Variants in LDLRAD4 observed in about 807,000 individuals in gnomAD.
LDLRAD4 encodes the protein low density lipoprotein receptor class A domain containing 4, also known as low-density lipoprotein receptor class A domain-containing protein 4.
LDLRAD4 carries 5 observed loss-of-function variants against 17.0 expected under a neutral mutation model. The observed-to-expected ratio is 0.29, with a 90% CI of 0.15 to 0.62. The LOEUF (loss-of-function observed/expected upper bound fraction) is 0.62. LDLRAD4 is among the 20% of genes least tolerant of loss of function. LDLRAD4 has a pLI of 0.84. For missense variants in LDLRAD4, 340 were observed against 424.7 expected, an observed-to-expected ratio of 0.80 and a Z score of 1.75; for synonymous variants, 168 against 171.8, an observed-to-expected ratio of 0.98 and a Z score of 0.17.
chr18:13,394,551 A>G (rs1024848323), intron 2 of LDLRAD4, among the ~76,000 whole-genome samples: 1 of 152,232 alleles, frequency 6.6e-6, no homozygotes, highest in Non-Finnish European at 1.5e-5. Flanking sequence ...TTAATATTTA[A>G]TGTGACAGAT....
intron 1 of LDLRAD4, among the ~76,000 whole-genome samples, chr18:13,289,694 G>T (rs1257093855): frequency 6.6e-6 from 1 of 152,210 alleles, no homozygotes; most frequent in Non-Finnish European, 1.5e-5. Flanking sequence ...CACAGACCCA[G>T]CTGTGTCCAG....
intron 4 of LDLRAD4, among the ~76,000 whole-genome samples, chr18:13,640,264 G>T (rs546267401): frequency 1.8e-4 from 26 of 147,262 alleles, no homozygotes; most frequent in African/African-American, 6.1e-4. Context: ...CTGCACTCCA[G>T]CCTGGGCAAC....
intron 5 of LDLRAD4, chr18:13,644,839 C>G (rs545277541): frequency 2.0e-5 from 8 of 409,032 alleles, no homozygotes; most frequent in East Asian, 4.4e-5. Flanking sequence ...ACACGTAGCA[C>G]GCACAGAAAC....
At chr18:13,317,669 C>T (rs971833266) in intron 1 of LDLRAD4, among the ~76,000 whole-genome samples, 3 of 152,098 alleles carry the variant, frequency 2.0e-5, no homozygotes, top group African/African-American at 7.2e-5. Context: ...AAAGAAAGCA[C>T]GTCACAAGAC....
chr18:13,508,781 T>A (rs969248297), intron 3 of LDLRAD4, among the ~76,000 whole-genome samples: 16 of 152,210 alleles, frequency 1.1e-4, no homozygotes, highest in Admixed American at 1.0e-3. Context: ...GAGAGGTTAA[T>A]GTTATTTTCA....
intron 3 of LDLRAD4, among the ~76,000 whole-genome samples, chr18:13,494,915 G>C (rs2093435751): frequency 6.6e-6 from 1 of 151,206 alleles, no homozygotes; most frequent in Non-Finnish European, 1.5e-5. Context: ...ACACTAGTGA[G>C]AGGGAACCGA....
Position 13,580,895 on chromosome 18 carries a change from C to T in LDLRAD4, c.182-40222C>T, listed in dbSNP as rs2094847010. 2.6e-5 allele frequency among the ~76,000 whole-genome samples: 4 copies of T among 152,214 alleles called. No homozygotes were observed. The South Asian group carries it at 6.2e-4, about 24-fold the overall frequency. ...GCCCTTTTAAAAATAACCTCTTCAG[C>T]GTCTGGTTTTGCAATTGAATAATTG... On this transcript the variant is annotated intron_variant, in intron 3 of 5. Coordinates refer to ENST00000359446, the Ensembl canonical transcript of LDLRAD4.
rs557149101 is a variant in LDLRAD4, at chr18:13,580,058, A to G, written c.182-41059A>G. ...GCATTATTAACGTGATGCTTTTCTC[A>G]TGGTCTGTGCTCATCAATTTCTCAT... is the stretch of plus-strand genomic sequence containing the variant. On this transcript the variant is annotated intron_variant, in intron 3 of 5. Transcript: ENST00000359446. 1.1e-4 allele frequency among the ~76,000 whole-genome samples: 17 copies of G among 152,262 alleles called. No homozygotes were observed. The South Asian group carries it at 2.7e-3, about 24-fold the overall frequency.
Position 13,361,467 on chromosome 18 carries a change from T to C in LDLRAD4, c.-382-25874T>C, listed in dbSNP as rs554061775. ...GAGTACTTCTTGTTGCACCTCGCTT[T>C]GTTTGGTGGTTCCAGGCCCTCAGTA... On this transcript the variant is annotated intron_variant, in intron 1 of 5. Coordinates refer to ENST00000359446, the Ensembl canonical transcript of LDLRAD4. 2.0e-5 allele frequency among the ~76,000 whole-genome samples: 3 copies of C among 152,336 alleles called. No individual in the cohort carries two copies. The East Asian group carries it at 5.8e-4, about 29-fold the overall frequency.
intron 1 of LDLRAD4, among the ~76,000 whole-genome samples, chr18:13,302,895 T>C (rs867613054): frequency 5.2e-5 from 8 of 152,394 alleles, no homozygotes; most frequent in East Asian, 1.9e-4. Flanking sequence ...AGTGCAGTTA[T>C]GTTACATGCA....
chr18:13,426,870 A>G (rs755515667), intron 2 of LDLRAD4, among the ~76,000 whole-genome samples: 14 of 152,328 alleles, frequency 9.2e-5, no homozygotes, highest in East Asian at 5.8e-4. Context: ...CCCACGCCCT[A>G]TGAGGTCAGT....
At chr18:13,484,769 A>G (rs906514743) in intron 3 of LDLRAD4, among the ~76,000 whole-genome samples, 1 of 152,222 alleles carries the variant, frequency 6.6e-6, no homozygotes, top group African/African-American at 2.4e-5. Flanking sequence ...CAGTGCCAGT[A>G]TCTTCCTTGA....
intron 1 of LDLRAD4, among the ~76,000 whole-genome samples, chr18:13,369,170 C>T (rs1568059875): frequency 6.6e-6 from 1 of 152,130 alleles, no homozygotes; most frequent in Non-Finnish European, 1.5e-5. Context: ...AGGCAGGGGA[C>T]GTGGGAACTG....
chr18:13,352,341 A>C (rs911627787), intron 1 of LDLRAD4, among the ~76,000 whole-genome samples: 1 of 152,192 alleles, frequency 6.6e-6, no homozygotes, highest in Non-Finnish European at 1.5e-5. Flanking sequence ...TTTTAGTTCA[A>C]GTTTTGGAAC....
chr18:13,650,269 G>A (rs2043188604), exon 6 of LDLRAD4: 3 of 409,920 alleles, frequency 7.3e-6, no homozygotes, highest in Non-Finnish European at 1.3e-5. Context: ...TGCTGCTGCT[G>A]CTTCTCGAAC....
intron 3 of LDLRAD4, among the ~76,000 whole-genome samples, chr18:13,553,384 C>T (rs945047987): frequency 1.3e-5 from 2 of 152,232 alleles, no homozygotes; most frequent in South Asian, 2.1e-4. Context: ...GACAGAAAAA[C>T]GTCTGAAGAT....
intron 1 of LDLRAD4, among the ~76,000 whole-genome samples, chr18:13,383,730 G>T (rs545981871): frequency 5.9e-5 from 9 of 152,170 alleles, no homozygotes; most frequent in African/African-American, 2.2e-4. Context: ...GTTTTCTCTG[G>T]GTCCTGATCA....
At chr18:13,282,905 C>T (rs1299261036) in intron 1 of LDLRAD4, among the ~76,000 whole-genome samples, 5 of 152,230 alleles carry the variant, frequency 3.3e-5, no homozygotes, top group Admixed American at 2.0e-4. Flanking sequence ...GAAATCTAGG[C>T]GGAGGTTCCC....
intron 3 of LDLRAD4, among the ~76,000 whole-genome samples, chr18:13,549,584 C>G (rs1185469435): frequency 6.6e-6 from 1 of 151,636 alleles, no homozygotes; most frequent in Non-Finnish European, 1.5e-5. Context: ...ATCTGAGTGT[C>G]TGAGCTGTGA....
Sources: allele counts gnomAD v4.1 joint callset (sites outside exome capture counted in the v4.1 genomes callset), GRCh38; gene constraint gnomAD v4.1.1; transcripts MANE v1.5; gene names NCBI Gene and HGNC (gene_info 2026-07-23, HGNC 2026-07-21).